The following KIF13A variants were observed in gnomAD, a reference collection of about 807,000 sequenced individuals.
The protein encoded by KIF13A is kinesin family member 13A, also known as kinesin-like protein KIF13A.
Under a neutral mutation model 212.2 loss-of-function variants are expected in KIF13A, and 79 were observed. The observed-to-expected ratio is 0.37, with a 90% CI of 0.31 to 0.45. KIF13A has a LOEUF of 0.45. Among genes scored for constraint, KIF13A ranks in the 20% least tolerant of loss-of-function variants. The pLI, the probability that KIF13A is intolerant of heterozygous loss-of-function variation, is 1.00. For missense variants in KIF13A, 1,901 were observed against 2,209.0 expected (o/e 0.86, Z 2.79); for synonymous variants, 789 against 808.6 (o/e 0.98, Z 0.41).
At chr6:17,832,644 A>T (rs1468122713) in intron 12 of KIF13A, among the ~76,000 whole-genome samples, 1 of 151,622 alleles carries the variant, frequency 6.6e-6, no homozygotes, top group Admixed American at 6.6e-5. Context: ...TCTCAATAAA[A>T]AATTAAATAA....
In KIF13A at chr6:17,888,808, G is replaced by A. The variant is rs1293991418; in HGVS notation, c.159+9360C>T. On this transcript the variant is annotated intron_variant, in intron 3 of 38. Coordinates refer to ENST00000259711, the MANE Select transcript of KIF13A (RefSeq NM_022113.6). The surrounding 1 kb of genome is among the most constrained non-coding windows in gnomAD (Gnocchi z 4.8). ...CCACTGCACTCCAGCCTGGGTGACAGAGTGAGACCCTATCTCAAAAAAACA... is the reference window on the plus strand; with the variant it reads ...CCACTGCACTCCAGCCTGGGTGACAAAGTGAGACCCTATCTCAAAAAAACA... Among the ~76,000 whole-genome samples the A allele has an allele frequency of 2.0e-5, 3 of 152,074 alleles. No homozygotes were observed. Among genetic ancestry groups the A allele is most frequent in the Non-Finnish European group, 4.4e-5 (3 of 68,028 alleles).
At chr6:17,857,363 C>T (rs1768243392) in intron 4 of KIF13A, among the ~76,000 whole-genome samples, 1 of 152,176 alleles carries the variant, frequency 6.6e-6, no homozygotes, top group African/African-American at 2.4e-5. Flanking sequence ...TTCCCCTATG[C>T]TGTTCTCATG....
intron 3 of KIF13A, among the ~76,000 whole-genome samples, chr6:17,894,239 A>T (rs1363592667): frequency 6.6e-6 from 1 of 151,398 alleles, no homozygotes. Flanking sequence ...TCAAGTGATC[A>T]TCCCACCTCA....
intron 31 of KIF13A, 82 bp from the exon 32 acceptor site, chr6:17,779,766 G>A: frequency 1.9e-6 from 1 of 533,972 alleles, no homozygotes; most frequent in South Asian, 1.8e-5. Flanking sequence ...TTTTGAGATG[G>A]AGTCTCGCTG....
At position 17,778,971 on chromosome 6, in the gene KIF13A, A is replaced by G. The variant is rs948633479; in HGVS notation, c.4068T>C (p.Ile1356=). 1 of 1,605,504 alleles carries G rather than the reference A, an allele frequency of 6.2e-7. No individual in the cohort carries two copies. The highest frequency in any genetic ancestry group is 8.5e-7 in the Non-Finnish European group (1 of 1,176,186). Residue 1356 remains isoleucine, a synonymous_variant, in exon 33 of 39, where the codon ATT becomes ATC. Coordinates refer to ENST00000259711, the MANE Select transcript of KIF13A (RefSeq NM_022113.6). ...CCTGCCGGAGCCGTTCAAGACTCAG[A>G]ATGTTTTCCACCTGCAGCACGCCTC... ...YTRGVLQVEN[I]LSLERLRQAV...
chr6:17,804,692 G>C lies in KIF13A; in HGVS notation c.2305-182C>G, dbSNP rs184769501. Among the ~76,000 whole-genome samples the C allele has an allele frequency of 3.7e-3, 565 of 151,330 alleles. 3 individuals are homozygous for C. Among genetic ancestry groups the C allele is most frequent in the Middle Eastern group, 0.014 (4 of 294 alleles). Reference sequence around the variant, plus strand: ...GCTGGGCGTGGTGGCGCACGCCTGTGGTCCCACCTACTCAGGAGGCTGGGG... The same window carrying C: ...GCTGGGCGTGGTGGCGCACGCCTGTCGTCCCACCTACTCAGGAGGCTGGGG... On this transcript the variant is annotated intron_variant, in intron 19 of 38. Transcript: ENST00000259711.
intron 2 of KIF13A, among the ~76,000 whole-genome samples, chr6:17,916,263 G>A (rs1322659717): frequency 6.6e-6 from 1 of 152,172 alleles, no homozygotes; most frequent in Non-Finnish European, 1.5e-5. Context: ...AAGCAGTCAA[G>A]GGGGGATCCA....
chr6:17,782,016 A>C (rs895365024), intron 29 of KIF13A, among the ~76,000 whole-genome samples: 2 of 152,036 alleles, frequency 1.3e-5, no homozygotes, highest in African/African-American at 2.4e-5. Flanking sequence ...GGCTCACTGC[A>C]ACCTCTGCCT....
intron 26 of KIF13A, among the ~76,000 whole-genome samples, chr6:17,788,980 C>T (rs1761307079): frequency 6.6e-6 from 1 of 152,186 alleles, no homozygotes; most frequent in Non-Finnish European, 1.5e-5. Context: ...GCCTCGGCCT[C>T]CCAAAGTGCT....
intron 3 of KIF13A, among the ~76,000 whole-genome samples, chr6:17,882,853 CA>C (rs892106092): frequency 1.3e-5 from 2 of 152,158 alleles, no homozygotes; most frequent in African/African-American, 4.8e-5. Flanking sequence ...TGCGGCACGG[CA>C]CCCGGCCTGC....
rs991311001 is a variant in KIF13A at position 17,816,567 on chromosome 6, C to A, written c.2000+453G>T. The stretch of plus-strand genomic sequence containing the variant: ...TCCTGGGCTTAAGTGATCCTCCCGC[C>A]TCAGCCTCCCCAAGTGCTAGGATTA... On this transcript the variant is annotated intron_variant, in intron 17 of 38. Transcript: ENST00000259711. The surrounding 1 kb of genome is among the most constrained non-coding windows in gnomAD (Gnocchi z 4.3). Among the ~76,000 whole-genome samples the A allele has an allele frequency of 1.3e-5, 2 of 152,160 alleles. No individual in the cohort carries two copies. The highest frequency in any genetic ancestry group is 4.8e-5 in the African/African-American group (2 of 41,434).
chr6:17,852,159 C>T, intron 6 of KIF13A, 117 bp from the exon 7 acceptor site: 1 of 456,212 alleles, frequency 2.2e-6, no homozygotes, highest in Non-Finnish European at 3.9e-6. Context: ...AATGACTCCT[C>T]CCCCCAACAA....
chr6:17,771,334 A>G lies in KIF13A; in HGVS notation c.4477-116T>C. Reference sequence around the variant, plus strand: ...CTAACACTCTTATTACATGTGAGTAATGCAGCAGCCAATTCTGCAGGCCAG... The same window carrying G: ...CTAACACTCTTATTACATGTGAGTAGTGCAGCAGCCAATTCTGCAGGCCAG... On this transcript the variant is annotated intron_variant, in intron 37 of 38. Coordinates refer to ENST00000259711, the MANE Select transcript of KIF13A (RefSeq NM_022113.6). This position sits in a 1 kb window ranked among gnomAD's most constrained non-coding sequence, Gnocchi z 5.4. 1 of 660,872 alleles carries G rather than the reference A, an allele frequency of 1.5e-6. No individual in the cohort carries two copies. Among genetic ancestry groups the G allele is most frequent in the South Asian group, 1.8e-5 (1 of 56,976 alleles). The allele number at this position is 660,872 out of a possible 1,614,324, so 40.9% of individuals were successfully genotyped here. A position where few individuals can be genotyped will look rare whatever the true frequency, so the allele number is the denominator to read the frequency against.
chr6:17,775,471 G>GTA (rs1258890837), intron 34 of KIF13A, among the ~76,000 whole-genome samples: 1 of 152,110 alleles, frequency 6.6e-6, no homozygotes, highest in Non-Finnish European at 1.5e-5. Context: ...TTGTACAGGA[G>GTA]TATATTTTGA....
chr6:17,831,105 A>C lies in KIF13A; in HGVS notation c.1397T>G (p.Leu466Ter). 1 of 1,611,504 alleles carries C rather than the reference A, an allele frequency of 6.2e-7. No individual in the cohort carries two copies. Among genetic ancestry groups the C allele is most frequent in the South Asian group, 1.1e-5 (1 of 90,498 alleles). ...PALNELLVYY[L>*]KDHTRVGADT... ...TGTATTTATATGTTCTCCTACCTTT[A>C]AATAATAAACCAGAAGTTCGTTAAG... The change falls in exon 13 of 39, where the codon TTA (leucine) becomes TGA (stop). Residue 466 changes from leucine to a stop codon, truncating the protein, a stop_gained. Transcript: ENST00000259711. LOFTEE classifies it high-confidence loss of function.
In KIF13A at chr6:17,897,814, C is replaced by T. The variant is rs749149909; in HGVS notation, c.159+354G>A. Among the ~76,000 whole-genome samples the T allele has an allele frequency of 6.6e-6, 1 of 152,184 alleles. No individual in the cohort carries two copies. The highest frequency in any genetic ancestry group is 1.5e-5 in the Non-Finnish European group (1 of 68,040). ...TCCTCCACATTCTAGGCTGTTGATA[C>T]TGTGCAGTCCCAGCTCTTCCATTCA... On this transcript the variant is annotated intron_variant, in intron 3 of 38. Coordinates refer to ENST00000259711, the MANE Select transcript of KIF13A (RefSeq NM_022113.6). The surrounding 1 kb of genome is among the most constrained non-coding windows in gnomAD (Gnocchi z 4.8).
intron 4 of KIF13A, among the ~76,000 whole-genome samples, chr6:17,870,065 C>T (rs77067826): frequency 0.012 from 1,828 of 152,276 alleles, 38 homozygotes; most frequent in African/African-American, 0.042. Flanking sequence ...CTAATCTACA[C>T]GTAACGTATT....
chr6:17,831,320 T>C, intron 12 of KIF13A, 85 bp from the exon 13 acceptor site: 1 of 1,473,448 alleles, frequency 6.8e-7, no homozygotes, highest in Admixed American at 2.0e-5. Context: ...AAGTCACTGT[T>C]TCTGGGGACA....
intron 17 of KIF13A, among the ~76,000 whole-genome samples, chr6:17,810,848 C>T (rs922714049): frequency 6.6e-6 from 1 of 152,130 alleles, no homozygotes; most frequent in African/African-American, 2.4e-5. Flanking sequence ...AGGTGGAGCT[C>T]AGGCAGTAAT....
Sources: allele counts gnomAD v4.1 joint callset (sites outside exome capture counted in the v4.1 genomes callset), GRCh38; gene constraint gnomAD v4.1.1; non-coding constraint Gnocchi (gnomAD v3.1); transcripts MANE v1.5; gene names NCBI Gene and HGNC (gene_info 2026-07-23, HGNC 2026-07-21).